The following SIRT6 variants were observed in gnomAD, a reference collection of about 807,000 sequenced individuals.
SIRT6 encodes NAD-dependent protein deacylase sirtuin-6.
Under a neutral mutation model 33.6 loss-of-function variants are expected in SIRT6, and 21 were observed. That is an observed-to-expected ratio of 0.62 (90% CI 0.44 to 0.90). SIRT6 has a LOEUF of 0.90. SIRT6 is among the 40% of genes least tolerant of loss of function. The pLI is 0.00. For synonymous variants in SIRT6, 221 were observed against 223.9 expected (o/e 0.99, Z 0.12); for missense variants, 504 against 510.6 (o/e 0.99, Z 0.12).
At chr19:4,182,316 G>A (rs1274921839) in intron 1 of SIRT6, 158 bp downstream of exon 1, 2 of 694,986 alleles carry the variant, frequency 2.9e-6, no homozygotes, top group Middle Eastern at 4.2e-4. Flanking sequence ...GTCCCCCGGC[G>A]CGCAGGGGCG....
At position 4,174,977 on chromosome 19, in the gene SIRT6, G is replaced by T; in HGVS notation, c.739-31C>A. The T allele has an allele frequency of 6.2e-7, 1 of 1,609,160 alleles. No homozygotes were observed. The highest frequency in any genetic ancestry group is 8.5e-7 in the Non-Finnish European group (1 of 1,178,030). On this transcript the variant is annotated intron_variant, in intron 7 of 7. Transcript: ENST00000337491. The surrounding 1 kb of genome is among the most constrained non-coding windows in gnomAD (Gnocchi z 4.2). ...GAGGGGCGGGACGGGTCAGGCGTGG[G>T]GGACAGAGGGTGCATGGTGGCCCTG...
Position 4,180,771 on chromosome 19 carries a change from C to G in SIRT6, c.194+11G>C. On this transcript the variant is annotated intron_variant, in intron 2 of 7. Transcript: ENST00000337491. ...AGGCCTTGCCTCGACTTCCCCTGCA[C>G]AATCACAGACCTGAAGTCGGGGATG... 1 of 1,603,066 alleles carries G rather than the reference C, an allele frequency of 6.2e-7. No homozygotes were observed. The highest frequency in any genetic ancestry group is 1.3e-5 in the African/African-American group (1 of 74,870).
At chr19:4,175,995 G>T in intron 4 of SIRT6, 58 bp from the exon 5 acceptor site, 6 of 1,465,758 alleles carry the variant, frequency 4.1e-6, no homozygotes. Flanking sequence ...GGTGACTCTC[G>T]CACTGTTTCT....
rs779516683 is a variant in SIRT6 at position 4,179,120 on chromosome 19, G to T, written c.361C>A (p.Arg121Ser). 1 of 1,612,048 alleles carries T rather than the reference G, an allele frequency of 6.2e-7. No individual in the cohort carries two copies. The change falls in exon 3 of 8, where the codon CGC (arginine) becomes AGC (serine). Residue 121 changes from arginine (R) to serine (S), a missense_variant. Arg to Ser is a moderately radical substitution (Grantham distance 110). Transcript: ENST00000337491. ...VSQNVDGLHVRSGFPRDKLAE... is the reference protein window; with the variant it reads ...VSQNVDGLHVSSGFPRDKLAE... ...GGGTGTTACCTGGGGAAGCCTGAGCGCACATGGAGCCCGTCCACGTTCTGG... is the reference window on the plus strand; with the variant it reads ...GGGTGTTACCTGGGGAAGCCTGAGCTCACATGGAGCCCGTCCACGTTCTGG...
chr19:4,180,982 A>G (rs991068255), intron 1 of SIRT6, 73 bp from the exon 2 acceptor site: 1 of 1,528,234 alleles, frequency 6.5e-7, no homozygotes, highest in Non-Finnish European at 8.8e-7. Context: ...CGAGCCACAG[A>G]CTGAGCTGTC....
In SIRT6 at chr19:4,175,852, G is replaced by A. The variant is rs149090533; in HGVS notation, c.523C>T (p.Arg175Ter). Residue 175 changes from arginine (R) to a stop codon, truncating the protein, a stop_gained, in exon 5 of 8, where the codon CGA becomes TGA. Coordinates refer to ENST00000337491, the MANE Select transcript of SIRT6 (RefSeq NM_016539.4). LOFTEE classifies it high-confidence loss of function. ...LCTVAKARGL[R>*]ACRGELRDTI... ...GTGGGGGTGGCTCACCTGCAGGCTC[G>A]CAGCCCCCTTGCCTTAGCCACGGTG... The A allele has an allele frequency of 2.6e-6, 4 of 1,559,704 alleles. No homozygotes were observed. The highest frequency in any genetic ancestry group is 2.4e-5 in the South Asian group (2 of 84,720).
chr19:4,178,788 A>G (rs560056941), intron 3 of SIRT6, among the ~76,000 whole-genome samples: 1 of 152,276 alleles, frequency 6.6e-6, no homozygotes, highest in East Asian at 1.9e-4. Flanking sequence ...GGCTGAGCGG[A>G]GATCACGCCA....
chr19:4,179,159 G>A lies in SIRT6; in HGVS notation c.322C>T (p.Arg108Cys), dbSNP rs199582071. 125 of 1,612,494 alleles carry A rather than the reference G, an allele frequency of 7.8e-5. 2 individuals are homozygous for A. The highest frequency in any genetic ancestry group is 6.4e-4 in the South Asian group (58 of 90,792). Residue 108 changes from arginine to cysteine, a missense_variant, in exon 3 of 8, where the codon CGC (arginine) becomes TGC (cysteine). Arg to Cys is a radical substitution (Grantham distance 180). Transcript: ENST00000337491. ...LVQLERVGLL[R>C]FLVSQNVDGL... ...TCCACGTTCTGGCTGACCAGGAAGC[G>A]GAGGAGGCCCACGCGCTCCAGCTGC...
Position 4,174,612 on chromosome 19 carries a change from C to A in SIRT6, c.*5G>T. 7.0e-7 allele frequency: 1 copy of A among 1,429,984 alleles called. No individual in the cohort carries two copies. The highest frequency in any genetic ancestry group is 9.2e-7 in the Non-Finnish European group (1 of 1,089,138). 88.6% of individuals were successfully genotyped at this position (1,429,984 alleles called of 1,614,324 possible). ...AAAAAGCCCCACCCTCCCCAAGCAC[C>A]CTGGTCAGCTGGGGACCGCCTTGGC... On this transcript the variant is annotated 3_prime_UTR_variant, in exon 8 of 8. Transcript: ENST00000337491. This position sits in a 1 kb window ranked among gnomAD's most constrained non-coding sequence, Gnocchi z 4.2.
intron 3 of SIRT6, among the ~76,000 whole-genome samples, chr19:4,177,966 G>A (rs1321959942): frequency 6.6e-6 from 1 of 151,332 alleles, no homozygotes; most frequent in Non-Finnish European, 1.5e-5. Context: ...CTCATGATCC[G>A]CCCGCCTTGG....
intron 2 of SIRT6, among the ~76,000 whole-genome samples, chr19:4,180,188 T>C (rs1967544098): frequency 7.7e-6 from 1 of 130,102 alleles, no homozygotes. Context: ...GACTGCAACC[T>C]CTGCCTCCCG....
At chr19:4,179,741 C>T (rs540125038) in intron 2 of SIRT6, among the ~76,000 whole-genome samples, 164 of 152,292 alleles carry the variant, frequency 1.1e-3, no homozygotes, top group Middle Eastern at 3.4e-3. Context: ...AAGCCTGGAT[C>T]AGAGGAGGTA....
Position 4,175,147 on chromosome 19 carries a change from CGT to C in SIRT6, c.617_618del (p.Asn206SerfsTer45). The C allele has an allele frequency of 6.2e-7, 1 of 1,600,842 alleles. No homozygotes were observed. The highest frequency in any genetic ancestry group is 2.2e-5 in the East Asian group (1 of 44,466). ...GTACCCAGCGTGATGGACAGGTCGG[CGT>C]TCCTGGGGCCGGGGAGCGTGGGCTG... ...DLALADEASR[N>X]ADLSITLGTS... is the part of the protein sequence containing the mutation. On this transcript the variant is annotated frameshift_variant and splice_region_variant, in exon 7 of 8. Transcript: ENST00000337491. LOFTEE classifies it high-confidence loss of function.
At position 4,182,463 on chromosome 19, in the gene SIRT6, G is replaced by T. The variant is rs1568304378; in HGVS notation, c.66+11C>A. On this transcript the variant is annotated intron_variant, in intron 1 of 7. Coordinates refer to ENST00000337491, the MANE Select transcript of SIRT6 (RefSeq NM_016539.4). ...TGGGGCGCGATGCTCGGGACCCTCAGACGCGCTCACCTCCGGGAGGCCGCA... is the reference window on the plus strand; with the variant it reads ...TGGGGCGCGATGCTCGGGACCCTCATACGCGCTCACCTCCGGGAGGCCGCA... 1 of 1,607,600 alleles carries T rather than the reference G, an allele frequency of 6.2e-7. No homozygotes were observed. Among genetic ancestry groups the T allele is most frequent in the Non-Finnish European group, 8.5e-7 (1 of 1,177,734 alleles).
Position 4,175,100 on chromosome 19 carries a change from G to T in SIRT6, c.666C>A (p.Ser222Arg). The part of the protein sequence containing the change: ...TLGTSLQIRP[S>R]GNLPLATKRR... ...GCTTGGTAGCCAGCGGCAGGTTCCCGCTGGGCCGGATCTGCAGCGATGTAC... is the reference window on the plus strand; with the variant it reads ...GCTTGGTAGCCAGCGGCAGGTTCCCTCTGGGCCGGATCTGCAGCGATGTAC... The change falls in exon 7 of 8, where the codon AGC becomes AGA. Residue 222 changes from serine to arginine, a missense_variant. Physicochemically the swap from Ser to Arg is moderately radical, Grantham distance 110. Transcript: ENST00000337491. 2 of 1,579,436 alleles carry T rather than the reference G, an allele frequency of 1.3e-6. No homozygotes were observed. Among genetic ancestry groups the T allele is most frequent in the Non-Finnish European group, 1.7e-6 (2 of 1,164,772 alleles).
chr19:4,178,588 A>G (rs879417424), intron 3 of SIRT6, among the ~76,000 whole-genome samples: 4 of 152,008 alleles, frequency 2.6e-5, no homozygotes, highest in Non-Finnish European at 4.4e-5. Flanking sequence ...GGTGGCTCAC[A>G]CCTGTAACCC....
chr19:4,175,608 T>G, intron 6 of SIRT6, 72 bp downstream of exon 6: 1 of 1,372,964 alleles, frequency 7.3e-7, no homozygotes, highest in Non-Finnish European at 9.7e-7. Context: ...TGTCCCATGC[T>G]GGAGCTGGCT....
intron 2 of SIRT6, chr19:4,180,477 T>G: frequency 4.7e-6 from 1 of 212,546 alleles, no homozygotes; most frequent in Non-Finnish European, 9.4e-6. Flanking sequence ...ACCTCCCAGG[T>G]TCAAGCAATT....
intron 4 of SIRT6, among the ~76,000 whole-genome samples, chr19:4,176,832 C>T (rs536983362): frequency 2.6e-5 from 4 of 152,226 alleles, no homozygotes; most frequent in South Asian, 2.1e-4. Flanking sequence ...TGCCAGGACA[C>T]GGATGTACCC....
Sources: allele counts gnomAD v4.1 joint callset (sites outside exome capture counted in the v4.1 genomes callset), GRCh38; gene constraint gnomAD v4.1.1; non-coding constraint Gnocchi (gnomAD v3.1); transcripts MANE v1.5; gene names NCBI Gene and HGNC (gene_info 2026-07-23, HGNC 2026-07-21).